SHROOM2: variants seen among roughly 807,000 people sequenced by gnomAD.
SHROOM2 encodes the protein shroom family member 2.
In SHROOM2, 33 loss-of-function variants were observed where a neutral mutation model predicts 75.9. That is an observed-to-expected ratio of 0.43 (90% CI 0.33 to 0.58). The LOEUF is 0.58. Ranked by LOEUF, SHROOM2 falls within the 20% of genes least tolerant of loss-of-function variation. The pLI is 0.04. For synonymous variants in SHROOM2, 655 were observed against 663.6 expected (o/e 0.99, Z 0.20); for missense variants, 1,434 against 1,461.2 (o/e 0.98, Z 0.30).
chrX:9,795,523 T>C (rs1254500999), intron 1 of SHROOM2, among the ~76,000 whole-genome samples: 2 of 111,982 alleles, frequency 1.8e-5, no homozygotes, highest in Non-Finnish European at 3.8e-5. Context: ...TCTTTTTGCA[T>C]AGATTGTTTC....
chrX:9,798,320 G>A (rs184734850), intron 1 of SHROOM2, among the ~76,000 whole-genome samples: 1 of 111,990 alleles, frequency 8.9e-6, no homozygotes, highest in African/African-American at 3.2e-5. Flanking sequence ...ACATCTATTG[G>A]TGTTAATTGT....
intron 1 of SHROOM2, chrX:9,819,218 A>G: frequency 3.1e-6 from 3 of 959,998 alleles, no homozygotes; most frequent in Non-Finnish European, 2.9e-6. Flanking sequence ...GACAGAGAAC[A>G]AATTTTTTAA....
chrX:9,808,735 G>A (rs778521357), intron 1 of SHROOM2, among the ~76,000 whole-genome samples: 15 of 109,932 alleles, frequency 1.4e-4, no homozygotes, highest in Non-Finnish European at 2.7e-4. Context: ...GGTATCAGGC[G>A]CCTATAATCC....
chrX:9,896,797 T>C (rs1601975515), intron 4 of SHROOM2, 99 bp downstream of exon 4: 2 of 922,902 alleles, frequency 2.2e-6, no homozygotes, highest in African/African-American at 2.0e-5. Flanking sequence ...CAGCTCCAGC[T>C]GTGCGAGCAT....
At chrX:9,854,606 T>G (rs1340114932) in intron 1 of SHROOM2, among the ~76,000 whole-genome samples, 1 of 112,443 alleles carries the variant, frequency 8.9e-6, no homozygotes, top group Non-Finnish European at 1.9e-5. Flanking sequence ...AACTCATTAC[T>G]CTTCACGGTC....
intron 1 of SHROOM2, among the ~76,000 whole-genome samples, chrX:9,793,286 CT>C (rs1056982123): frequency 1.7e-4 from 19 of 108,630 alleles, no homozygotes; most frequent in Admixed American, 4.9e-4. Flanking sequence ...AGGATGTAGC[CT>C]TTTTTCCACT....
chrX:9,878,730 C>T (rs749285239), intron 2 of SHROOM2, among the ~76,000 whole-genome samples: 58 of 107,356 alleles, frequency 5.4e-4, no homozygotes, highest in Non-Finnish European at 8.3e-4. Flanking sequence ...TACACCCCCA[C>T]CCCACTCCCC....
Position 9,947,598 on chromosome X carries a change from A to C in SHROOM2, c.*661A>C, listed in dbSNP as rs1248027939. 8.9e-6 allele frequency: 1 copy of C among 112,567 alleles called. No homozygotes were observed. The highest frequency in any genetic ancestry group is 1.9e-5 in the Non-Finnish European group (1 of 53,486). 9.3% of individuals were successfully genotyped at this position (112,567 alleles called of 1,213,427 possible). Reference sequence around the variant, plus strand: ...TCAGATTAAATTGCCACTTAAAGAAATAACGTGCATGCTTTAAAAAACACA... The same window carrying C: ...TCAGATTAAATTGCCACTTAAAGAACTAACGTGCATGCTTTAAAAAACACA... On this transcript the variant is annotated 3_prime_UTR_variant, in exon 10 of 10. Transcript: ENST00000380913.
intron 2 of SHROOM2, among the ~76,000 whole-genome samples, chrX:9,890,397 G>A (rs1297910874): frequency 8.8e-6 from 1 of 113,161 alleles, no homozygotes; most frequent in Non-Finnish European, 1.9e-5. Flanking sequence ...GATAAGGGCT[G>A]CTGCACATCT....
intron 3 of SHROOM2, among the ~76,000 whole-genome samples, chrX:9,891,713 C>T (rs1034811313): frequency 9.1e-6 from 1 of 110,349 alleles, no homozygotes; most frequent in Non-Finnish European, 1.9e-5. Context: ...TGTATTTCTA[C>T]ACGTTTGTGT....
intron 1 of SHROOM2, among the ~76,000 whole-genome samples, chrX:9,857,533 C>T (rs910503041): frequency 3.7e-5 from 4 of 109,309 alleles, no homozygotes; most frequent in African/African-American, 1.3e-4. Context: ...ACTACAGGCA[C>T]ACACCACCAC....
chrX:9,938,622 G>C (rs1014715229), intron 7 of SHROOM2, among the ~76,000 whole-genome samples: 3 of 112,520 alleles, frequency 2.7e-5, no homozygotes, highest in Non-Finnish European at 5.6e-5. Flanking sequence ...AATTGGTTTT[G>C]TAAGTAGCAC....
chrX:9,823,264 A>G (rs2046239532), intron 1 of SHROOM2, among the ~76,000 whole-genome samples: 1 of 100,291 alleles, frequency 1.0e-5, no homozygotes, highest in South Asian at 4.6e-4. Flanking sequence ...ATATTTTTAG[A>G]GACAGGGTCT....
At chrX:9,919,941 C>T (rs1490458767) in intron 5 of SHROOM2, among the ~76,000 whole-genome samples, 1 of 110,139 alleles carries the variant, frequency 9.1e-6, no homozygotes, top group Admixed American at 9.7e-5. Flanking sequence ...CAAATCACTA[C>T]AGCTCATCAG....
At chrX:9,884,172 C>G (rs1413273321) in intron 2 of SHROOM2, among the ~76,000 whole-genome samples, 1 of 110,844 alleles carries the variant, frequency 9.0e-6, no homozygotes, top group Non-Finnish European at 1.9e-5. Context: ...GCCTGTGTTT[C>G]AGACCGTAGG....
rs144736449 is a variant in SHROOM2 at position 9,939,336 on chromosome X, C to T, written c.4281C>T (p.Ser1427=). 8,028 of 1,206,964 alleles carry T rather than the reference C, an allele frequency of 6.7e-3. 29 individuals carry two copies. Among genetic ancestry groups the T allele is most frequent in the Non-Finnish European group, 7.3e-3 (6,558 of 893,569 alleles). ...AGGAGCACGAAGAGGATTCGGGAAG[C>T]GACTTGGACCACGACCTGTCGGTGA... ...EQQEHEEDSG[S]DLDHDLSVKK... Residue 1427 remains serine (S), a synonymous_variant, in exon 8 of 10, where the codon AGC becomes AGT. Transcript: ENST00000380913.
chrX:9,916,116 T>C (rs1383645291), intron 5 of SHROOM2, among the ~76,000 whole-genome samples: 1 of 112,346 alleles, frequency 8.9e-6, no homozygotes, highest in Non-Finnish European at 1.9e-5. Context: ...TCAATTTTGC[T>C]AATTAAAACC....
At chrX:9,909,979 G>A (rs1239578577) in intron 5 of SHROOM2, among the ~76,000 whole-genome samples, 1 of 110,576 alleles carries the variant, frequency 9.0e-6, no homozygotes, top group African/African-American at 3.3e-5. Flanking sequence ...AGCTCTCAGG[G>A]GTCCCTTTTA....
chrX:9,864,688 A>G (rs1443684086), intron 1 of SHROOM2, among the ~76,000 whole-genome samples: 4 of 107,733 alleles, frequency 3.7e-5, no homozygotes, highest in South Asian at 4.1e-4. Context: ...AGCCGGGCGT[A>G]GTGGCGGGCG....
Sources: allele counts gnomAD v4.1 joint callset (sites outside exome capture counted in the v4.1 genomes callset), GRCh38; gene constraint gnomAD v4.1.1; transcripts MANE v1.5; gene names NCBI Gene and HGNC (gene_info 2026-07-23, HGNC 2026-07-21).